Variants in SSBP3 observed in about 807,000 individuals in gnomAD.
SSBP3 encodes the protein single stranded DNA binding protein 3.
A neutral mutation model predicts 69.6 loss-of-function variants in SSBP3; 5 were observed. That is an observed-to-expected ratio of 0.07 (90% confidence interval 0.04 to 0.15). The LOEUF is 0.15. Ranked by LOEUF, SSBP3 falls within the 10% of genes least tolerant of loss-of-function variation. The pLI, the probability that SSBP3 is intolerant of heterozygous loss-of-function variation, is 1.00. For synonymous variants in SSBP3, 196 were observed against 193.4 expected, an observed-to-expected ratio of 1.01 and a Z score of -0.11; for missense variants, 312 against 534.0, an observed-to-expected ratio of 0.58 and a Z score of 4.10.
chr1:54,235,642 G>A (rs866731090), intron 14 of SSBP3, among the ~76,000 whole-genome samples: 1 of 151,526 alleles, frequency 6.6e-6, no homozygotes, highest in South Asian at 2.1e-4. Flanking sequence ...TAGTAGAGAC[G>A]GGGTTTCACC....
intron 4 of SSBP3, among the ~76,000 whole-genome samples, chr1:54,284,048 G>A (rs1645443333): frequency 6.6e-6 from 1 of 150,768 alleles, no homozygotes; most frequent in Admixed American, 6.6e-5. Flanking sequence ...GGTTCTTTCA[G>A]AGACTGGTGT....
At chr1:54,386,006 G>C (rs982906453) in intron 4 of SSBP3, among the ~76,000 whole-genome samples, 3 of 152,068 alleles carry the variant, frequency 2.0e-5, no homozygotes, top group Non-Finnish European at 2.9e-5. Context: ...TTTAAATATT[G>C]CATGTTGAAA....
chr1:54,409,326 G>A (rs193128463), upstream of SSBP3, among the ~76,000 whole-genome samples: 7 of 151,928 alleles, frequency 4.6e-5, no homozygotes, highest in South Asian at 2.1e-4. Context: ...ATCTTATCTC[G>A]TTTTGCTGGC....
At chr1:54,254,608 G>T (rs995479191) in intron 7 of SSBP3, among the ~76,000 whole-genome samples, 2 of 152,156 alleles carry the variant, frequency 1.3e-5, no homozygotes, top group Admixed American at 6.5e-5. Context: ...TGGCCTGTGA[G>T]CCCCAGCAAG....
At chr1:54,344,304 A>C (rs1344264661) in intron 4 of SSBP3, among the ~76,000 whole-genome samples, 1 of 152,242 alleles carries the variant, frequency 6.6e-6, no homozygotes, top group East Asian at 1.9e-4. Context: ...ATATACATCC[A>C]CTGGAAAGAA....
At chr1:54,341,959 G>A (rs1296680960) in intron 4 of SSBP3, among the ~76,000 whole-genome samples, 1 of 152,208 alleles carries the variant, frequency 6.6e-6, no homozygotes, top group Non-Finnish European at 1.5e-5. Context: ...TGTGGCTGGA[G>A]GGCAAAGAGG....
intron 4 of SSBP3, among the ~76,000 whole-genome samples, chr1:54,355,467 A>T (rs1185845723): frequency 6.6e-6 from 1 of 152,266 alleles, no homozygotes. Context: ...TCCCGCCTCA[A>T]CTTCCCAAGT....
At chr1:54,401,348 G>A (rs898882686) in intron 4 of SSBP3, among the ~76,000 whole-genome samples, 1 of 151,780 alleles carries the variant, frequency 6.6e-6, no homozygotes, top group African/African-American at 2.4e-5. Context: ...AATCGTCTTA[G>A]CAGATACAGT....
intron 4 of SSBP3, among the ~76,000 whole-genome samples, chr1:54,301,584 C>T (rs536850988): frequency 6.6e-6 from 1 of 152,372 alleles, no homozygotes; most frequent in South Asian, 2.1e-4. Context: ...ACCCTCGCGG[C>T]TCCTAAGGCA....
intron 5 of SSBP3, among the ~76,000 whole-genome samples, chr1:54,278,326 C>CTT (rs57603297): frequency 6.9e-6 from 1 of 145,290 alleles, no homozygotes; most frequent in Admixed American, 6.8e-5. Flanking sequence ...AATATTAGGG[C>CTT]TTTTTTTTTT....
chr1:54,239,093 G>T (rs761806342), intron 14 of SSBP3, 36 bp downstream of exon 14: 1 of 1,547,634 alleles, frequency 6.5e-7, no homozygotes, highest in Non-Finnish European at 8.9e-7. Flanking sequence ...ATTTGTTATG[G>T]TGTCTGATAT....
intron 6 of SSBP3, 128 bp downstream of exon 6, chr1:54,257,941 T>C: frequency 1.2e-6 from 1 of 854,532 alleles, no homozygotes; most frequent in Non-Finnish European, 1.7e-6. Context: ...CTAAAAAAAT[T>C]TAATTTGTCA....
At chr1:54,312,274 G>A (rs1646016992) in intron 4 of SSBP3, among the ~76,000 whole-genome samples, 1 of 151,366 alleles carries the variant, frequency 6.6e-6, no homozygotes, top group African/African-American at 2.4e-5. Context: ...AGGTGACAGG[G>A]TGAGATACTC....
At chr1:54,270,235 G>A (rs1387918682) in intron 5 of SSBP3, among the ~76,000 whole-genome samples, 1 of 152,156 alleles carries the variant, frequency 6.6e-6, no homozygotes, top group Middle Eastern at 3.2e-3. Flanking sequence ...CAGAATGCAG[G>A]CGCACAGGTG....
At chr1:54,251,850 C>T in exon 8 of SSBP3, 1 of 1,611,700 alleles carries the variant, frequency 6.2e-7, no homozygotes, top group Non-Finnish European at 8.5e-7. Context: ...CCCAGGAACT[C>T]CTCCCGGAGG....
chr1:54,290,413 C>T lies in SSBP3; in HGVS notation c.277-8886G>A, dbSNP rs373780162. Among the ~76,000 whole-genome samples the T allele has an allele frequency of 3.9e-5, 6 of 152,342 alleles. 1 individual carries two copies. Among genetic ancestry groups the T allele is most frequent in the East Asian group, 3.9e-4 (2 of 5,182 alleles). On this transcript the variant is annotated intron_variant, in intron 4 of 17. Coordinates refer to ENST00000610401, the Ensembl canonical transcript of SSBP3. ...CTCCAGGTAAAGGACCACGTGCTGA[C>T]GTCCTAAGATTCCCTGACCACAGCA... is the stretch of plus-strand genomic sequence containing the variant.
chr1:54,392,247 A>C (rs775333613), intron 4 of SSBP3, among the ~76,000 whole-genome samples: 1 of 152,160 alleles, frequency 6.6e-6, no homozygotes, highest in Non-Finnish European at 1.5e-5. Context: ...AGAACTCTCT[A>C]AGGTATGGAT....
At chr1:54,299,481 C>T (rs1264224593) in intron 4 of SSBP3, among the ~76,000 whole-genome samples, 1 of 147,568 alleles carries the variant, frequency 6.8e-6, no homozygotes, top group Non-Finnish European at 1.5e-5. Context: ...ACCACGCTGT[C>T]GATAATTTGG....
chr1:54,408,054 C>A (rs910766553), upstream of SSBP3, among the ~76,000 whole-genome samples: 1 of 152,126 alleles, frequency 6.6e-6, no homozygotes, highest in Admixed American at 6.6e-5. Context: ...GAATAATGTT[C>A]TACTCAATGT....
Sources: allele counts gnomAD v4.1 joint callset (sites outside exome capture counted in the v4.1 genomes callset), GRCh38; gene constraint gnomAD v4.1.1; transcripts MANE v1.5; gene names NCBI Gene and HGNC (gene_info 2026-07-23, HGNC 2026-07-21).